The following NOL4 variants were observed in gnomAD, a reference collection of about 807,000 sequenced individuals.
NOL4 encodes nucleolar protein 4.
A neutral mutation model predicts 75.9 loss-of-function variants in NOL4; 17 were observed. The ratio of observed to expected loss-of-function variants is 0.22; its 90% CI spans 0.15 to 0.34. NOL4 has a LOEUF of 0.34. Among genes scored for constraint, NOL4 ranks in the 10% least tolerant of loss-of-function variants. The pLI is 1.00. For missense variants in NOL4, 614 were observed against 793.5 expected (o/e 0.77, Z 2.72); for synonymous variants, 292 against 289.9 (o/e 1.01, Z -0.07).
intron 1 of NOL4, among the ~76,000 whole-genome samples, chr18:34,196,000 T>G (rs1186837247): frequency 6.6e-6 from 1 of 152,118 alleles, no homozygotes; most frequent in African/African-American, 2.4e-5. Context: ...ACACAGGAAA[T>G]AGCTGTACTC....
chr18:34,070,118 G>A (rs2077448590), intron 5 of NOL4, among the ~76,000 whole-genome samples: 2 of 152,158 alleles, frequency 1.3e-5, no homozygotes, highest in African/African-American at 4.8e-5. Context: ...TGAAAGCTCC[G>A]CCTTCCGGGT....
At chr18:33,997,153 T>A (rs2073350983) in intron 6 of NOL4, among the ~76,000 whole-genome samples, 1 of 151,924 alleles carries the variant, frequency 6.6e-6, no homozygotes. Context: ...TACTAATTAA[T>A]TTTTTGCCAA....
At chr18:33,944,805 A>G (rs2068728108) in intron 8 of NOL4, among the ~76,000 whole-genome samples, 1 of 151,950 alleles carries the variant, frequency 6.6e-6, no homozygotes, top group African/African-American at 2.4e-5. Context: ...CATAATTTCA[A>G]AACTCATATT....
chr18:33,857,781 A>T (rs2062904707), intron 10 of NOL4, among the ~76,000 whole-genome samples: 1 of 152,114 alleles, frequency 6.6e-6, no homozygotes, highest in East Asian at 1.9e-4. Flanking sequence ...TGTTTTCCAC[A>T]ATACAACTGC....
chr18:34,138,328 T>G (rs1469273984), intron 1 of NOL4, among the ~76,000 whole-genome samples: 1 of 152,100 alleles, frequency 6.6e-6, no homozygotes, highest in Non-Finnish European at 1.5e-5. Context: ...CTTGAGCCCA[T>G]AAGGTTGAAG....
At position 33,956,503 on chromosome 18, in the gene NOL4, G is replaced by A. The variant is rs182864706; in HGVS notation, c.1428+823C>T. Among the ~76,000 whole-genome samples the A allele has an allele frequency of 2.0e-5, 3 of 152,098 alleles. No individual in the cohort carries two copies. The East Asian group carries it at 5.8e-4, about 29-fold the overall frequency. On this transcript the variant is annotated intron_variant, in intron 8 of 10. Transcript: ENST00000261592. ...AAACACTAACAGCCTAGGCTTTTAT[G>A]GCGCCTTCTCAAATAAGACAAGAAA...
chr18:33,950,955 C>T (rs559902837), intron 8 of NOL4, among the ~76,000 whole-genome samples: 2 of 152,228 alleles, frequency 1.3e-5, no homozygotes, highest in African/African-American at 2.4e-5. Context: ...ATTTCAAGTG[C>T]TTTTGGTTTT....
intron 10 of NOL4, among the ~76,000 whole-genome samples, chr18:33,872,591 A>C (rs1219736311): frequency 2.0e-5 from 3 of 151,992 alleles, no homozygotes; most frequent in Admixed American, 2.0e-4. Context: ...GAATAAGGTG[A>C]GAAGAGTTGA....
chr18:34,168,632 G>T (rs1252125925), intron 1 of NOL4, among the ~76,000 whole-genome samples: 1 of 151,360 alleles, frequency 6.6e-6, no homozygotes, highest in Non-Finnish European at 1.5e-5. Context: ...GAAGGCTATT[G>T]TCCATGTTCT....
intron 5 of NOL4, among the ~76,000 whole-genome samples, chr18:34,026,186 C>G (rs936062791): frequency 1.3e-5 from 2 of 152,092 alleles, no homozygotes; most frequent in Non-Finnish European, 2.9e-5. Context: ...GGTTTTCTTG[C>G]CTAGTGCCTT....
intron 10 of NOL4, among the ~76,000 whole-genome samples, chr18:33,870,162 A>T (rs916181311): frequency 6.6e-6 from 1 of 152,098 alleles, no homozygotes; most frequent in Non-Finnish European, 1.5e-5. Flanking sequence ...TCACCTAGTT[A>T]TTTTGTAGTG....
intron 1 of NOL4, among the ~76,000 whole-genome samples, chr18:34,207,659 T>C (rs562975299): frequency 6.6e-6 from 1 of 152,328 alleles, no homozygotes; most frequent in Admixed American, 6.5e-5. Flanking sequence ...AACAGATTAC[T>C]TTTTTTCTGA....
intron 5 of NOL4, among the ~76,000 whole-genome samples, chr18:34,086,645 T>C (rs986824364): frequency 6.6e-6 from 1 of 152,154 alleles, no homozygotes; most frequent in African/African-American, 2.4e-5. Flanking sequence ...TAAAACTATC[T>C]TATTCAACCA....
intron 1 of NOL4, among the ~76,000 whole-genome samples, chr18:34,174,823 C>T (rs1186520210): frequency 1.3e-5 from 2 of 152,106 alleles, no homozygotes; most frequent in African/African-American, 2.4e-5. Flanking sequence ...TGATGGTTTC[C>T]AGCTTCATCC....
chr18:33,906,764 T>C (rs771016312), intron 9 of NOL4, among the ~76,000 whole-genome samples: 1 of 152,190 alleles, frequency 6.6e-6, no homozygotes, highest in African/African-American at 2.4e-5. Flanking sequence ...GGCTTAGATA[T>C]GGCTTTCATC....
At chr18:34,094,356 T>C (rs1289883762) in intron 4 of NOL4, among the ~76,000 whole-genome samples, 1 of 152,150 alleles carries the variant, frequency 6.6e-6, no homozygotes, top group Non-Finnish European at 1.5e-5. Flanking sequence ...CAAGCTAATC[T>C]TAGTACACCC....
intron 9 of NOL4, among the ~76,000 whole-genome samples, chr18:33,939,510 C>T (rs2068316318): frequency 6.6e-6 from 1 of 151,880 alleles, no homozygotes; most frequent in Non-Finnish European, 1.5e-5. Flanking sequence ...AGTTGTATTC[C>T]TAGGTATTTT....
chr18:34,157,945 G>A (rs2030737324), intron 1 of NOL4, among the ~76,000 whole-genome samples: 1 of 152,080 alleles, frequency 6.6e-6, no homozygotes, highest in Non-Finnish European at 1.5e-5. Flanking sequence ...TCTTTTAGTG[G>A]CTTTGAAAAC....
chr18:34,200,344 G>A (rs922511657), intron 1 of NOL4, among the ~76,000 whole-genome samples: 32 of 151,882 alleles, frequency 2.1e-4, no homozygotes, highest in Non-Finnish European at 8.9e-5. Context: ...GTGCCAGATC[G>A]TAATGTAGTC....
Sources: gnomAD v4.1 joint callset for allele counts (sites outside exome capture counted in the v4.1 genomes callset) on GRCh38, gnomAD v4.1.1 for gene constraint, MANE v1.5 for transcripts, NCBI Gene and HGNC (gene_info 2026-07-23, HGNC 2026-07-21) for gene names.